USP30: variants seen among roughly 807,000 people sequenced by gnomAD.
The protein encoded by USP30 is ubiquitin carboxyl-terminal hydrolase 30.
Under a neutral mutation model 68.2 loss-of-function variants are expected in USP30, and 41 were observed. The observed-to-expected ratio is 0.60, with a 90% confidence interval of 0.47 to 0.78. The LOEUF is 0.78. USP30 is among the 30% of genes least tolerant of loss of function. The probability of loss-of-function intolerance (pLI) is 0.00; values close to 1 mark genes in which losing one functional copy is unlikely to be tolerated. For synonymous variants in USP30, 229 were observed against 253.7 expected (o/e 0.90, Z 0.93); for missense variants, 522 against 649.4 (o/e 0.80, Z 2.13).
At chr12:109,073,218 A>G (rs2041498729) in intron 6 of USP30, among the ~76,000 whole-genome samples, 1 of 152,268 alleles carries the variant, frequency 6.6e-6, no homozygotes, top group South Asian at 2.1e-4. Context: ...TCTACCCATT[A>G]TACAGAAACC....
chr12:109,074,656 TA>T (rs1400482596), intron 7 of USP30, among the ~76,000 whole-genome samples: 1 of 152,200 alleles, frequency 6.6e-6, no homozygotes, highest in Non-Finnish European at 1.5e-5. Flanking sequence ...TAATCGACAA[TA>T]AAAATTGTAT....
rs113546679 is a variant in USP30, at chr12:109,071,114, G to A, written c.481-498G>A. On this transcript the variant is annotated intron_variant, in intron 4 of 12. Transcript: ENST00000257548. ...GAGATAAAGAATGGTGGGTGCCAGG[G>A]GTTGGGGAAGGGGAAATGGGAAATC... Among the ~76,000 whole-genome samples, 1,436 of 152,264 alleles carry A rather than the reference G, an allele frequency of 9.4e-3. 24 individuals carry two copies. The highest frequency in any genetic ancestry group is 0.033 in the African/African-American group (1,359 of 41,534).
At chr12:109,043,651 G>C (rs753820007) in intron 3 of USP30, among the ~76,000 whole-genome samples, 3 of 152,134 alleles carry the variant, frequency 2.0e-5, no homozygotes, top group African/African-American at 7.2e-5. Flanking sequence ...CAAAACCTTT[G>C]TGACATTGGA....
chr12:109,056,350 G>A (rs1214243883), intron 1 of USP30, among the ~76,000 whole-genome samples: 1 of 151,950 alleles, frequency 6.6e-6, no homozygotes, highest in African/African-American at 2.4e-5. Context: ...ACATCACCAC[G>A]GCCAGCTAAT....
In USP30 at chr12:109,085,945, C is replaced by T. The variant is rs754857725; in HGVS notation, c.*14C>T. ...TCTGAAGAATGACTGTGCCCTCCTG[C>T]AAGGCTAGAGCTGATGGCACTGTCT... is the stretch of plus-strand genomic sequence containing the variant. On this transcript the variant is annotated 3_prime_UTR_variant, in exon 13 of 13. Coordinates refer to ENST00000257548, the MANE Select transcript of USP30 (RefSeq NM_032663.5). 6 of 1,610,114 alleles carry T rather than the reference C, an allele frequency of 3.7e-6. No homozygotes were observed. In the Admixed American group the frequency reaches 1.0e-4, roughly 27 times the overall value.
intron 7 of USP30, among the ~76,000 whole-genome samples, chr12:109,074,071 C>T (rs925702898): frequency 5.9e-5 from 9 of 152,164 alleles, no homozygotes; most frequent in African/African-American, 2.2e-4. Context: ...ATGAATCTAC[C>T]TCTGTCTCTA....
rs142270967 is a variant in USP30, at chr12:109,032,041, A to G, written c.-136+4485A>G. Among the ~76,000 whole-genome samples, 1,052 of 151,500 alleles carry G rather than the reference A, an allele frequency of 6.9e-3. 4 individuals are homozygous for G. The highest frequency in any genetic ancestry group is 8.9e-3 in the Non-Finnish European group (604 of 67,908). ...CACTTGAGCCTAGGCAGTCAAAGCT[A>G]CAGTGAGCCATGATTGTGCCACTGC... On this transcript the variant is annotated intron_variant, in intron 3 of 15. Transcript: ENST00000392784.
intron 3 of USP30, among the ~76,000 whole-genome samples, chr12:109,065,109 A>G (rs1055217419): frequency 3.3e-5 from 5 of 152,220 alleles, no homozygotes; most frequent in Non-Finnish European, 5.9e-5. Context: ...TCTGGGCTTT[A>G]AAGGAATCTT....
At position 109,058,293 on chromosome 12, in the gene USP30, G is replaced by C. The variant is rs1048722762; in HGVS notation, c.376+185G>C. ...TTTTTAAAAATCAAAGATGGAGGCCGGGTGCAGTGGCTCATGCCTGTAATC... is the reference window on the plus strand; with the variant it reads ...TTTTTAAAAATCAAAGATGGAGGCCCGGTGCAGTGGCTCATGCCTGTAATC... On this transcript the variant is annotated intron_variant, in intron 3 of 12. Coordinates refer to ENST00000257548, the MANE Select transcript of USP30 (RefSeq NM_032663.5). Among the ~76,000 whole-genome samples the C allele has an allele frequency of 2.0e-5, 3 of 152,076 alleles. No homozygotes were observed. The South Asian group carries it at 6.2e-4, about 31-fold the overall frequency.
intron 3 of USP30, among the ~76,000 whole-genome samples, chr12:109,059,661 A>C (rs1433265975): frequency 1.3e-5 from 2 of 151,990 alleles, no homozygotes; most frequent in African/African-American, 4.8e-5. Context: ...TTACAGCTGC[A>C]TGCCACCACG....
chr12:109,027,307 C>A lies in USP30; in HGVS notation c.-227-158C>A, dbSNP rs115888966. Among the ~76,000 whole-genome samples the A allele has an allele frequency of 7.9e-3, 1,203 of 152,244 alleles. 18 individuals carry two copies. Among genetic ancestry groups the A allele is most frequent in the African/African-American group, 0.027 (1,114 of 41,540 alleles). ...TATTTTTATTTTTTAGAGACAGGGT[C>A]TCACTCTGCTGTCCAGGTTGACGTG... is the stretch of plus-strand genomic sequence containing the variant. On this transcript the variant is annotated intron_variant, in intron 2 of 15. Coordinates refer to the USP30 transcript ENST00000392784.
intron 3 of USP30, among the ~76,000 whole-genome samples, chr12:109,036,381 A>T (rs2040520549): frequency 6.7e-6 from 1 of 150,280 alleles, no homozygotes; most frequent in African/African-American, 2.4e-5. Context: ...GCTCCCTGCA[A>T]CCTCCACCTC....
intron 5 of USP30, among the ~76,000 whole-genome samples, 153 bp downstream of exon 5, chr12:109,071,863 T>C (rs937667266): frequency 5.3e-5 from 8 of 152,342 alleles, no homozygotes; most frequent in Admixed American, 3.3e-4. Context: ...TAAAACTACA[T>C]GCTTTGCAGT....
upstream of USP30, among the ~76,000 whole-genome samples, chr12:109,048,067 T>C (rs954496436): frequency 3.3e-5 from 5 of 151,028 alleles, no homozygotes; most frequent in Admixed American, 6.6e-5. Flanking sequence ...TGACGTCTAA[T>C]AGAATGCCTA....
chr12:109,079,623 C>A (rs1356204029), intron 7 of USP30, among the ~76,000 whole-genome samples: 1 of 151,998 alleles, frequency 6.6e-6, no homozygotes, highest in African/African-American at 2.4e-5. Flanking sequence ...ACTTCAGCCT[C>A]CCAAAGTGTT....
upstream of USP30, among the ~76,000 whole-genome samples, chr12:109,049,501 T>C (rs2040639108): frequency 6.6e-6 from 1 of 152,162 alleles, no homozygotes; most frequent in African/African-American, 2.4e-5. Flanking sequence ...ACAGATCACC[T>C]TAATAGGTGT....
rs142610740 is a variant in USP30 at position 109,082,813 on chromosome 12, C to A, written c.949-30C>A. On this transcript the variant is annotated intron_variant, in intron 10 of 12. Transcript: ENST00000257548. ...CGTGTATCCTGCCCCTGAAACAACT[C>A]GGTTCTCCCGATTTCTCTTCCACCC... is the stretch of plus-strand genomic sequence containing the variant. 6.2e-6 allele frequency: 10 copies of A among 1,609,724 alleles called. No homozygotes were observed. The East Asian group carries it at 2.0e-4, about 32-fold the overall frequency.
Position 109,086,073 on chromosome 12 carries a change from G to A in USP30, c.*142G>A. ...TGTTCTAAGAGCAGGCTCCACCTGG[G>A]AGCCAGCCCCAGTTCACACCAAACC... On this transcript the variant is annotated 3_prime_UTR_variant, in exon 13 of 13. Transcript: ENST00000257548. 1 of 1,285,652 alleles carries A rather than the reference G, an allele frequency of 7.8e-7. No homozygotes were observed. Among genetic ancestry groups the A allele is most frequent in the Admixed American group, 2.7e-5 (1 of 36,626 alleles). 79.6% of individuals were successfully genotyped at this position (1,285,652 alleles called of 1,614,324 possible).
rs2041444097 is a variant in USP30 at position 109,071,594 on chromosome 12, T to C, written c.481-18T>C. The C allele has an allele frequency of 6.2e-7, 1 of 1,611,174 alleles. No individual in the cohort carries two copies. Among genetic ancestry groups the C allele is most frequent in the African/African-American group, 1.3e-5 (1 of 74,894 alleles). On this transcript the variant is annotated intron_variant, in intron 4 of 12. Coordinates refer to ENST00000257548, the MANE Select transcript of USP30 (RefSeq NM_032663.5). ...TGCCTCTTCCAACCTCTCTAAAGAA[T>C]GCTTTGCCCTATGACAGGATGCTCA...
Sources: gnomAD v4.1 joint callset for allele counts (sites outside exome capture counted in the v4.1 genomes callset) on GRCh38, gnomAD v4.1.1 for gene constraint, MANE v1.5 for transcripts, NCBI Gene and HGNC (gene_info 2026-07-23, HGNC 2026-07-21) for gene names.